G3BP2: variants seen among roughly 807,000 people sequenced by gnomAD.
The protein encoded by G3BP2 is G3BP stress granule assembly factor 2, also known as ras GTPase-activating protein-binding protein 2.
G3BP2 carries 11 observed loss-of-function variants against 56.7 expected under a neutral mutation model. That is an observed-to-expected ratio of 0.19 (90% CI 0.12 to 0.32). The LOEUF (loss-of-function observed/expected upper bound fraction) is 0.32. G3BP2 is among the 10% of genes least tolerant of loss of function. The pLI is 1.00. For missense variants in G3BP2, 340 were observed against 610.9 expected (o/e 0.56, Z 4.67); for synonymous variants, 165 against 191.6 (o/e 0.86, Z 1.15).
chr4:75,662,802 A>G (rs1356196489), intron 1 of G3BP2, among the ~76,000 whole-genome samples: 3 of 152,060 alleles, frequency 2.0e-5, no homozygotes, highest in African/African-American at 7.2e-5. Flanking sequence ...TCCTTTGGGG[A>G]CCAAAATCTA....
chr4:75,675,992 C>G (rs1378716507), upstream of G3BP2, among the ~76,000 whole-genome samples: 1 of 152,182 alleles, frequency 6.6e-6, no homozygotes, highest in African/African-American at 2.4e-5. Flanking sequence ...CCTCAGGTAA[C>G]CCTGCTCTTG....
intron 9 of G3BP2, 138 bp from the exon 10 acceptor site, chr4:75,647,295 CA>C (rs1731306512): frequency 1.8e-6 from 1 of 553,226 alleles, no homozygotes; most frequent in South Asian, 2.9e-5. Flanking sequence ...GAAAAAGAGG[CA>C]AAAGTACTTA....
At chr4:75,657,786 A>G (rs567862043) in intron 3 of G3BP2, 56 bp from the exon 4 acceptor site, 6 of 1,059,768 alleles carry the variant, frequency 5.7e-6, no homozygotes, top group Non-Finnish European at 8.5e-6. Flanking sequence ...TTACCTACAC[A>G]ATAATATTAC....
intron 3 of G3BP2, among the ~76,000 whole-genome samples, chr4:75,719,119 C>A (rs1396016785): frequency 6.6e-6 from 1 of 151,880 alleles, no homozygotes; most frequent in Non-Finnish European, 1.5e-5. Context: ...GAGGCCGAGG[C>A]GGGCGGATCA....
chr4:75,653,932 C>T, intron 8 of G3BP2, 51 bp downstream of exon 8: 1 of 803,900 alleles, frequency 1.2e-6, no homozygotes, highest in Non-Finnish European at 2.2e-6. Context: ...TAAAAATAAG[C>T]AATTGGCAAT....
At chr4:75,693,658 G>A (rs969971007) in intron 3 of G3BP2, among the ~76,000 whole-genome samples, 3 of 151,336 alleles carry the variant, frequency 2.0e-5, no homozygotes, top group African/African-American at 4.9e-5. Context: ...GCGCGGTGGC[G>A]GGCACCTGTA....
At chr4:75,650,725 C>G (rs895608566) in intron 8 of G3BP2, among the ~76,000 whole-genome samples, 4 of 152,034 alleles carry the variant, frequency 2.6e-5, no homozygotes, top group South Asian at 4.1e-4. Flanking sequence ...TTTAGAGAGA[C>G]ACAGTCTTAC....
intron 1 of G3BP2, among the ~76,000 whole-genome samples, chr4:75,664,347 T>A (rs1732820372): frequency 6.6e-6 from 1 of 151,680 alleles, no homozygotes; most frequent in South Asian, 2.1e-4. Context: ...GAGGCCAAGG[T>A]GGGCAGATCG....
At position 75,646,369 on chromosome 4, in the gene G3BP2, G is replaced by T; in HGVS notation, c.1145C>A (p.Ser382Tyr). ...AATTAAGATTCTCTGAACTGGTTCA[G>T]AGTCATCAAAAACCACAAAACCAAA... ...PNFGFVVFDD[S>Y]EPVQRILIAK... The change falls in exon 11 of 12, where the codon TCT (serine) becomes TAT (tyrosine). Residue 382 changes from serine (S) to tyrosine (Y), a missense_variant. Transcript: ENST00000359707. 6.3e-7 allele frequency: 1 copy of T among 1,578,508 alleles called. No individual in the cohort carries two copies. Among genetic ancestry groups the T allele is most frequent in the Non-Finnish European group, 8.7e-7 (1 of 1,152,694 alleles).
chr4:75,719,300 ATC>A (rs1207737650), intron 3 of G3BP2, among the ~76,000 whole-genome samples: 10 of 146,096 alleles, frequency 6.8e-5, no homozygotes, highest in Non-Finnish European at 1.5e-4. Flanking sequence ...GTGAGCCGAG[ATC>A]CCGCCACTGC....
intron 9 of G3BP2, among the ~76,000 whole-genome samples, chr4:75,648,370 A>C (rs35975027): frequency 0.21 from 31,812 of 148,230 alleles, 3,940 homozygotes; most frequent in Middle Eastern, 0.36. Flanking sequence ...ACAAACAAAA[A>C]AAAAAAACAA....
chr4:75,673,704 G>C (rs1733713166), upstream of G3BP2: 6 of 1,039,008 alleles, frequency 5.8e-6, no homozygotes, highest in Non-Finnish European at 6.1e-6. Context: ...CCTTCTTCCT[G>C]ATCGCGCAAG....
Position 75,655,813 on chromosome 4 carries a change from A to T in G3BP2, c.500T>A (p.Val167Glu). The T allele has an allele frequency of 6.2e-7, 1 of 1,605,126 alleles. No homozygotes were observed. Among genetic ancestry groups the T allele is most frequent in the East Asian group, 2.2e-5 (1 of 44,792 alleles). The change falls in exon 6 of 12, where the codon GTG becomes GAG. Residue 167 changes from valine (V) to glutamate (E), a missense_variant. Val to Glu is a moderately radical substitution (Grantham distance 121). Transcript: ENST00000359707. ...GTAACCACTGTTAGCATTTTCTTGCACAGGTTCAGGAGATGGTTGTCTTTC... is the reference window on the plus strand; with the variant it reads ...GTAACCACTGTTAGCATTTTCTTGCTCAGGTTCAGGAGATGGTTGTCTTTC... ...QEERQPSPEP[V>E]QENANSGYYE...
At chr4:75,659,170 G>A (rs1477407692) in intron 2 of G3BP2, among the ~76,000 whole-genome samples, 2 of 152,178 alleles carry the variant, frequency 1.3e-5, no homozygotes, top group Non-Finnish European at 2.9e-5. Context: ...AGTTTATCTG[G>A]CACAGTAAGT....
intron 3 of G3BP2, among the ~76,000 whole-genome samples, chr4:75,704,204 A>C (rs1719454910): frequency 1.3e-5 from 2 of 150,122 alleles, no homozygotes. Flanking sequence ...TTTTTAGTAG[A>C]GATGGGGTTT....
At chr4:75,696,718 T>G (rs1407644314) in intron 3 of G3BP2, among the ~76,000 whole-genome samples, 2 of 149,548 alleles carry the variant, frequency 1.3e-5, no homozygotes, top group Non-Finnish European at 2.9e-5. Context: ...CAATCATCAT[T>G]GTCGTCATGG....
At chr4:75,648,929 G>A in intron 8 of G3BP2, 188 bp from the exon 9 acceptor site, 1 of 427,958 alleles carries the variant, frequency 2.3e-6, no homozygotes, top group Non-Finnish European at 4.2e-6. Context: ...TAGGACTGTA[G>A]GTAGCTTTTG....
At position 75,645,243 on chromosome 4, in the gene G3BP2, T is replaced by C; in HGVS notation, c.*187A>G. 1 of 600,686 alleles carries C rather than the reference T, an allele frequency of 1.7e-6. No individual in the cohort carries two copies. The highest frequency in any genetic ancestry group is 2.9e-6 in the Non-Finnish European group (1 of 342,792). The allele number at this position is 600,686 out of a possible 1,614,324, so 37.2% of individuals were successfully genotyped here. On this transcript the variant is annotated 3_prime_UTR_variant, in exon 12 of 12. Coordinates refer to ENST00000359707, the MANE Select transcript of G3BP2 (RefSeq NM_203505.3). ...CAAGTCTAGATTTATAAATTAACAATGTGAATCCTGTTGTGAAATTGGGGA... is the reference window on the plus strand; with the variant it reads ...CAAGTCTAGATTTATAAATTAACAACGTGAATCCTGTTGTGAAATTGGGGA...
chr4:75,708,421 G>C (rs571344991), intron 3 of G3BP2, among the ~76,000 whole-genome samples: 69 of 152,246 alleles, frequency 4.5e-4, no homozygotes, highest in Middle Eastern at 3.4e-3. Context: ...TAAGCCACAT[G>C]ATCTTGATTG....
Sources: allele counts gnomAD v4.1 joint callset (sites outside exome capture counted in the v4.1 genomes callset), GRCh38; gene constraint gnomAD v4.1.1; transcripts MANE v1.5; gene names NCBI Gene and HGNC (gene_info 2026-07-23, HGNC 2026-07-21).